Variants in DOCK4 observed in about 807,000 individuals in gnomAD.
DOCK4 encodes the protein dedicator of cytokinesis protein 4.
A neutral mutation model predicts 268.1 loss-of-function variants in DOCK4; 97 were observed. That is an observed-to-expected ratio of 0.36 (90% CI 0.31 to 0.43). The LOEUF (loss-of-function observed/expected upper bound fraction) is 0.43. DOCK4 is among the 20% of genes least tolerant of loss of function. The pLI is 1.00. For synonymous variants in DOCK4, 954 were observed against 887.2 expected (o/e 1.08, Z -1.34); for missense variants, 2,145 against 2,455.7 (o/e 0.87, Z 2.67).
intron 1 of DOCK4, among the ~76,000 whole-genome samples, chr7:112,069,754 A>G (rs947074462): frequency 6.6e-6 from 1 of 152,196 alleles, no homozygotes; most frequent in African/African-American, 2.4e-5. Flanking sequence ...AAAATAGAAA[A>G]TGTCTCTCCA....
rs1278692045 is a variant in DOCK4 at position 111,752,753 on chromosome 7, C to A, written c.4416+2762G>T. Among the ~76,000 whole-genome samples the A allele has an allele frequency of 2.6e-5, 4 of 151,316 alleles. No homozygotes were observed. The East Asian group carries it at 7.8e-4, about 30-fold the overall frequency. On this transcript the variant is annotated intron_variant, in intron 42 of 52. Coordinates refer to ENST00000428084, the MANE Select transcript of DOCK4 (RefSeq NM_001363540.2). ...AGGTGCGTGCCACCATGCCCGGCTA[C>A]TTTTTTGTATTTTTAGTACAGACGG...
intron 16 of DOCK4, among the ~76,000 whole-genome samples, chr7:111,877,574 T>A (rs115685431): frequency 6.6e-6 from 1 of 152,340 alleles, no homozygotes; most frequent in African/African-American, 2.4e-5. Flanking sequence ...GTGACCATAG[T>A]ATTTTTTTCA....
At chr7:111,948,378 T>C (rs756585349) in intron 8 of DOCK4, among the ~76,000 whole-genome samples, 20 of 152,188 alleles carry the variant, frequency 1.3e-4, no homozygotes, top group Non-Finnish European at 2.4e-4. Flanking sequence ...TTCTTCTCTA[T>C]AGAAATATCG....
At chr7:111,812,709 G>A (rs1380844852) in intron 27 of DOCK4, among the ~76,000 whole-genome samples, 2 of 152,148 alleles carry the variant, frequency 1.3e-5, no homozygotes, top group Non-Finnish European at 2.9e-5. Context: ...CCTGTTTAAG[G>A]TATTAGAGGG....
intron 1 of DOCK4, among the ~76,000 whole-genome samples, chr7:112,182,335 T>C (rs1268194948): frequency 6.6e-6 from 1 of 152,226 alleles, no homozygotes; most frequent in East Asian, 1.9e-4. Context: ...AATGTACTTA[T>C]ATGGAATGAT....
intron 1 of DOCK4, among the ~76,000 whole-genome samples, chr7:112,166,789 T>A (rs931648801): frequency 2.6e-5 from 4 of 152,152 alleles, no homozygotes; most frequent in African/African-American, 9.7e-5. Context: ...GTGATAATAG[T>A]TGCATGGAAT....
intron 1 of DOCK4, among the ~76,000 whole-genome samples, chr7:112,103,226 G>GT (rs747939132): frequency 8.0e-5 from 12 of 150,578 alleles, no homozygotes; most frequent in African/African-American, 2.2e-4. Flanking sequence ...TCACTTTTAT[G>GT]TTTTTTTTTC....
chr7:111,811,139 T>G (rs1319440728), intron 28 of DOCK4, among the ~76,000 whole-genome samples: 1 of 152,238 alleles, frequency 6.6e-6, no homozygotes, highest in African/African-American at 2.4e-5. Context: ...AATTTTGATA[T>G]ACTATAAGCT....
intron 44 of DOCK4, among the ~76,000 whole-genome samples, chr7:111,744,098 A>C (rs2097712): frequency 6.6e-6 from 1 of 152,334 alleles, no homozygotes; most frequent in African/African-American, 2.4e-5. Context: ...TGGTCTGTCA[A>C]AGTTGTCCTG....
chr7:111,829,605 T>G (rs1440307364), intron 26 of DOCK4, among the ~76,000 whole-genome samples: 1 of 152,204 alleles, frequency 6.6e-6, no homozygotes, highest in Non-Finnish European at 1.5e-5. Flanking sequence ...CTCTAATGTC[T>G]AAGCAAGATG....
intron 26 of DOCK4, among the ~76,000 whole-genome samples, chr7:111,826,841 T>C (rs1802434011): frequency 1.3e-5 from 2 of 152,166 alleles, no homozygotes; most frequent in Admixed American, 6.6e-5. Context: ...CGCAATATAT[T>C]CATTAACAAA....
At chr7:111,958,669 A>G (rs989674197) in intron 8 of DOCK4, among the ~76,000 whole-genome samples, 1 of 152,298 alleles carries the variant, frequency 6.6e-6, no homozygotes, top group East Asian at 1.9e-4. Context: ...CACTGACTCT[A>G]TGAGTTTTTG....
chr7:111,769,169 G>A (rs569825869), intron 37 of DOCK4, among the ~76,000 whole-genome samples: 4 of 152,280 alleles, frequency 2.6e-5, no homozygotes, highest in South Asian at 2.1e-4. Context: ...TGCTAAAGCC[G>A]CCACGAATGG....
rs577098631 is a variant in DOCK4 at position 111,757,237 on chromosome 7, T to C, written c.4329+1387A>G. ...GAATCAGGAGCCAGATTTATTATTA[T>C]TATTTTTTAGGGAGATTGCTGCGCC... On this transcript the variant is annotated intron_variant, in intron 41 of 52. Coordinates refer to ENST00000428084, the MANE Select transcript of DOCK4 (RefSeq NM_001363540.2). Among the ~76,000 whole-genome samples, 59 of 152,180 alleles carry C rather than the reference T, an allele frequency of 3.9e-4. 2 individuals carry two copies. In the South Asian group the frequency reaches 0.011, roughly 28 times the overall value.
At chr7:111,741,041 T>A in intron 47 of DOCK4, 53 bp downstream of exon 47, 5 of 1,603,876 alleles carry the variant, frequency 3.1e-6, no homozygotes, top group Non-Finnish European at 4.3e-6. Flanking sequence ...GAAACACTCA[T>A]GATTGAGACA....
intron 1 of DOCK4, among the ~76,000 whole-genome samples, chr7:112,161,649 T>C (rs948530331): frequency 2.6e-5 from 4 of 152,130 alleles, no homozygotes; most frequent in African/African-American, 9.7e-5. Context: ...TTGGGCTGAT[T>C]TATGTGATGT....
intron 5 of DOCK4, among the ~76,000 whole-genome samples, chr7:111,993,385 CCA>C (rs938411688): frequency 2.0e-5 from 3 of 152,140 alleles, no homozygotes; most frequent in Admixed American, 6.5e-5. Flanking sequence ...TTCACCACCC[CCA>C]GACTTCCACA....
At chr7:112,135,387 C>A (rs79774473) in intron 1 of DOCK4, among the ~76,000 whole-genome samples, 1 of 151,494 alleles carries the variant, frequency 6.6e-6, no homozygotes, top group South Asian at 2.1e-4. Context: ...TTCCCTGATG[C>A]AGTACCATAC....
intron 1 of DOCK4, among the ~76,000 whole-genome samples, chr7:112,013,845 C>G (rs1417556970): frequency 6.9e-6 from 1 of 145,134 alleles, no homozygotes; most frequent in Non-Finnish European, 1.5e-5. Flanking sequence ...TCAAGGAAGG[C>G]TTAGCCTGTA....
Sources: gnomAD v4.1 joint callset for allele counts (sites outside exome capture counted in the v4.1 genomes callset) on GRCh38, gnomAD v4.1.1 for gene constraint, MANE v1.5 for transcripts, NCBI Gene and HGNC (gene_info 2026-07-23, HGNC 2026-07-21) for gene names.